Variants in SUGCT observed in about 807,000 individuals in gnomAD.
The protein encoded by SUGCT is succinyl-CoA:glutarate-CoA transferase.
SUGCT carries 41 observed loss-of-function variants against 55.0 expected under a neutral mutation model. The observed-to-expected ratio is 0.74, with a 90% CI of 0.58 to 0.97. SUGCT has a LOEUF of 0.97. Ranked by LOEUF, SUGCT falls within the 50% of genes least tolerant of loss-of-function variation. The pLI, the probability that SUGCT is intolerant of heterozygous loss-of-function variation, is 0.00. For synonymous variants in SUGCT, 187 were observed against 200.4 expected (o/e 0.93, Z 0.56); for missense variants, 568 against 547.8 (o/e 1.04, Z -0.37).
At position 40,632,833 on chromosome 7, in the gene SUGCT, G is replaced by A. The variant is rs116978693; in HGVS notation, c.1090-116601G>A. On this transcript the variant is annotated intron_variant, in intron 12 of 13. Transcript: ENST00000335693. ...GTATACAAGTTCACTTGAAATTGAA[G>A]TGCATGAGTATTCTTAAGTGTCACT... is the stretch of plus-strand genomic sequence containing the variant. Among the ~76,000 whole-genome samples, 116 of 152,202 alleles carry A rather than the reference G, an allele frequency of 7.6e-4. 2 individuals are homozygous for A. The East Asian group carries it at 0.02, about 26-fold the overall frequency.
At chr7:40,537,942 T>C (rs1289607588) in intron 12 of SUGCT, among the ~76,000 whole-genome samples, 5 of 152,208 alleles carry the variant, frequency 3.3e-5, no homozygotes, top group African/African-American at 1.2e-4. Flanking sequence ...GTGTACCCTA[T>C]TGCATATATC....
At chr7:40,531,014 G>C (rs776414364) in intron 12 of SUGCT, among the ~76,000 whole-genome samples, 2 of 152,180 alleles carry the variant, frequency 1.3e-5, no homozygotes, top group Non-Finnish European at 2.9e-5. Flanking sequence ...TTGGAGCCTA[G>C]CGAATGGGCT....
intron 9 of SUGCT, among the ~76,000 whole-genome samples, chr7:40,370,298 G>C (rs562421320): frequency 6.6e-6 from 1 of 152,250 alleles, no homozygotes; most frequent in African/African-American, 2.4e-5. Context: ...GCCAGGGAAG[G>C]ATCAGTTTTG....
Position 40,448,244 on chromosome 7 carries a change from C to G in SUGCT, c.817-1043C>G, listed in dbSNP as rs554143571. Among the ~76,000 whole-genome samples the G allele has an allele frequency of 1.2e-4, 16 of 138,060 alleles. 1 individual carries two copies. In the South Asian group the frequency reaches 3.9e-3, roughly 34 times the overall value. The allele number at this position is 138,060 out of a possible 152,430, so 90.6% of individuals were successfully genotyped here. On this transcript the variant is annotated intron_variant, in intron 9 of 13. Coordinates refer to ENST00000335693, the MANE Select transcript of SUGCT (RefSeq NM_001193313.2). Reference sequence around the variant, plus strand: ...TCCCTCCCTCCCTCCCTCCCTCCCTCCCTTCCTTCCTTCCTTCCTTCTCCT... The same window carrying G: ...TCCCTCCCTCCCTCCCTCCCTCCCTGCCTTCCTTCCTTCCTTCCTTCTCCT...
At chr7:40,873,924 A>G in the SUGCT span, among the ~76,000 whole-genome samples, 1 of 152,232 alleles carries the variant, frequency 6.6e-6, no homozygotes, top group South Asian at 2.1e-4. Flanking sequence ...TAGGAAAATA[A>G]TTTTGTAGGA....
chr7:40,468,082 T>A (rs1316979784), intron 11 of SUGCT, among the ~76,000 whole-genome samples: 1 of 152,026 alleles, frequency 6.6e-6, no homozygotes, highest in African/African-American at 2.4e-5. Context: ...AACACTCCAC[T>A]TGAGTTATTT....
intron 13 of SUGCT, among the ~76,000 whole-genome samples, chr7:40,836,255 A>G (rs1241718924): frequency 1.3e-5 from 2 of 152,098 alleles, no homozygotes; most frequent in African/African-American, 4.8e-5. Flanking sequence ...CATTAATCAG[A>G]TGTAAGGTTT....
At chr7:40,956,235 C>T in the SUGCT span, among the ~76,000 whole-genome samples, 1 of 152,212 alleles carries the variant, frequency 6.6e-6, no homozygotes, top group Admixed American at 6.5e-5. Context: ...TGGTAGAATT[C>T]AGCTAGGAAT....
chr7:40,669,346 CAAAAAAAAAA>C (rs33947436), intron 12 of SUGCT, among the ~76,000 whole-genome samples: 17 of 90,766 alleles, frequency 1.9e-4, no homozygotes, highest in Non-Finnish European at 3.4e-4. Flanking sequence ...GTGTAAGCTT[CAAAAAAAAAA>C]AAAAAAAAAA....
chr7:40,749,629 A>C (rs866704202), intron 13 of SUGCT, 132 bp downstream of exon 13: 3 of 719,372 alleles, frequency 4.2e-6, no homozygotes. Flanking sequence ...ATTGGGTAAA[A>C]GGGGAATCCT....
At chr7:41,008,737 G>A in the SUGCT span, among the ~76,000 whole-genome samples, 1 of 152,058 alleles carries the variant, frequency 6.6e-6, no homozygotes, top group South Asian at 2.1e-4. Flanking sequence ...TGACGCTGCT[G>A]GAGGGCAAAT....
chr7:40,698,268 C>T (rs377637635), intron 12 of SUGCT, among the ~76,000 whole-genome samples: 9 of 152,190 alleles, frequency 5.9e-5, no homozygotes, highest in Admixed American at 1.3e-4. Context: ...AATCCAGGCT[C>T]TTAGAGGGGT....
In SUGCT at chr7:40,657,543, C is replaced by T. The variant is rs184834082; in HGVS notation, c.1090-91891C>T. ...TGAGACGGAGTCCTACTCTGTTGCCCGGGCTGGAGTGCAGTGGCGCAATCT... is the reference window on the plus strand; with the variant it reads ...TGAGACGGAGTCCTACTCTGTTGCCTGGGCTGGAGTGCAGTGGCGCAATCT... On this transcript the variant is annotated intron_variant, in intron 12 of 13. Coordinates refer to ENST00000335693, the MANE Select transcript of SUGCT (RefSeq NM_001193313.2). 3.2e-4 allele frequency among the ~76,000 whole-genome samples: 48 copies of T among 152,000 alleles called. No individual in the cohort carries two copies. In the East Asian group the frequency reaches 7.9e-3, roughly 25 times the overall value.
At chr7:40,892,291 T>G in the SUGCT span, among the ~76,000 whole-genome samples, 1 of 152,154 alleles carries the variant, frequency 6.6e-6, no homozygotes, top group African/African-American at 2.4e-5. Flanking sequence ...AAATTGGCTT[T>G]TATAGCTATA....
At chr7:40,313,631 G>GT (rs199558187) in intron 8 of SUGCT, among the ~76,000 whole-genome samples, 3 of 117,288 alleles carry the variant, frequency 2.6e-5, no homozygotes, top group Admixed American at 8.1e-5. Flanking sequence ...TTGTTTGTTT[G>GT]TTTTTGTTTT....
At chr7:40,868,147 A>G in the SUGCT span, among the ~76,000 whole-genome samples, 1 of 151,976 alleles carries the variant, frequency 6.6e-6, no homozygotes, top group Non-Finnish European at 1.5e-5. Flanking sequence ...GATGCATTTT[A>G]TTTCTCCTCC....
chr7:40,512,064 A>C (rs1442721971), intron 12 of SUGCT, among the ~76,000 whole-genome samples: 1 of 152,232 alleles, frequency 6.6e-6, no homozygotes, highest in East Asian at 1.9e-4. Context: ...ATTTTTGCTA[A>C]TTTACAAAAT....
intron 9 of SUGCT, among the ~76,000 whole-genome samples, chr7:40,419,584 G>A (rs749766944): frequency 1.8e-4 from 28 of 152,024 alleles, no homozygotes; most frequent in Non-Finnish European, 3.7e-4. Context: ...TTCTTCTTTG[G>A]TATCTGTGGG....
chr7:40,454,826 G>C (rs1416330774), intron 10 of SUGCT, among the ~76,000 whole-genome samples: 1 of 152,164 alleles, frequency 6.6e-6, no homozygotes, highest in African/African-American at 2.4e-5. Context: ...AAGGGAATTT[G>C]TAGCCAGCTG....
Sources: gnomAD v4.1 joint callset for allele counts (sites outside exome capture counted in the v4.1 genomes callset) on GRCh38, gnomAD v4.1.1 for gene constraint, MANE v1.5 for transcripts, NCBI Gene and HGNC (gene_info 2026-07-23, HGNC 2026-07-21) for gene names.